Variants in NUB1 observed in about 807,000 individuals in gnomAD.
NUB1 encodes the protein NEDD8 ultimate buster 1.
NUB1 carries 41 observed loss-of-function variants against 77.1 expected under a neutral mutation model. The ratio of observed to expected loss-of-function variants is 0.53; its 90% CI spans 0.41 to 0.69. The LOEUF (loss-of-function observed/expected upper bound fraction) is 0.69. Among genes scored for constraint, NUB1 ranks in the 30% least tolerant of loss-of-function variants. NUB1 has a pLI of 0.00. For synonymous variants in NUB1, 257 were observed against 281.0 expected, an observed-to-expected ratio of 0.91 and a Z score of 0.85; for missense variants, 643 against 743.8, an observed-to-expected ratio of 0.86 and a Z score of 1.58.
chr7:151,352,060 A>AT (rs1228275189), intron 4 of NUB1: 1 of 456,022 alleles, frequency 2.2e-6, no homozygotes, highest in African/African-American at 2.0e-5. Flanking sequence ...TCTTCAGCTG[A>AT]TTTTTCTCAT....
At chr7:151,363,013 A>G (rs997657108) in intron 8 of NUB1, among the ~76,000 whole-genome samples, 3 of 152,270 alleles carry the variant, frequency 2.0e-5, no homozygotes, top group Non-Finnish European at 4.4e-5. Flanking sequence ...ACTCCTGAAC[A>G]GTACCCTTAA....
At position 151,341,843 on chromosome 7, in the gene NUB1, G is replaced by T. The variant is rs2150649860; in HGVS notation, c.-6G>T. 1.3e-6 allele frequency: 2 copies of T among 1,505,112 alleles called. No individual in the cohort carries two copies. 93.2% of individuals were successfully genotyped at this position (1,505,112 alleles called of 1,614,324 possible). ...CTGGTCGCGGCGGGAGTGGCGTGGC[G>T]CAGGTGAGGACACGGCGGCCGAGTG... On this transcript the variant is annotated 5_prime_UTR_variant, in exon 1 of 15. Transcript: ENST00000568733.
Position 151,355,890 on chromosome 7 carries a change from A to G in NUB1, c.538A>G (p.Lys180Glu). The G allele has an allele frequency of 1.2e-6, 2 of 1,613,908 alleles. No individual in the cohort carries two copies. Among genetic ancestry groups the G allele is most frequent in the Non-Finnish European group, 1.7e-6 (2 of 1,179,848 alleles). Residue 180 changes from lysine to glutamate, a missense_variant, in exon 6 of 15, where the codon AAA (lysine) becomes GAA (glutamate). Coordinates refer to ENST00000568733, the MANE Select transcript of NUB1 (RefSeq NM_001243351.2). ...QLEEEEQNEA[K>E]LKEKQIQRTK... ...AGAGGAAGAGGAGCAAAATGAGGCCAAACTCAAAGAAAAACAAATTCAGAG... is the reference window on the plus strand; with the variant it reads ...AGAGGAAGAGGAGCAAAATGAGGCCGAACTCAAAGAAAAACAAATTCAGAG...
chr7:151,365,842 C>G (rs1797649206), intron 8 of NUB1, among the ~76,000 whole-genome samples: 1 of 152,120 alleles, frequency 6.6e-6, no homozygotes, highest in Admixed American at 6.5e-5. Context: ...TACATGGGCC[C>G]TCTTTAGGAG....
In NUB1 at chr7:151,377,210, A is replaced by G. The variant is rs2159158; in HGVS notation, c.1833A>G (p.Ala611=). 755,532 of 1,534,830 alleles carry G rather than the reference A, an allele frequency of 0.49. 194,836 individuals are homozygous for G. Among genetic ancestry groups the G allele is most frequent in the Non-Finnish European group, 0.54 (611,470 of 1,139,514 alleles). ...YLSYVENRKS[A]TKKN is the part of the protein sequence containing the mutation. ...CCTATGTAGAAAATAGGAAGTCAGC[A>G]ACAAAGAAAAACTAAATAATGAACA... Residue 611 remains alanine, a synonymous_variant, in exon 15 of 15, where the codon GCA becomes GCG. Coordinates refer to ENST00000568733, the MANE Select transcript of NUB1 (RefSeq NM_001243351.2).
At chr7:151,373,216 G>A (rs1414429694) in intron 11 of NUB1, among the ~76,000 whole-genome samples, 2 of 152,202 alleles carry the variant, frequency 1.3e-5, no homozygotes, top group Non-Finnish European at 2.9e-5. Context: ...CTGGGAGAAT[G>A]TAGCAAGTCA....
intron 8 of NUB1, chr7:151,361,215 A>C (rs1797365891): frequency 6.6e-6 from 1 of 152,252 alleles, no homozygotes; most frequent in African/African-American, 2.4e-5. Context: ...TCTTGTTTTC[A>C]GAATAAATGA....
chr7:151,364,247 C>T (rs1192015986), intron 8 of NUB1, among the ~76,000 whole-genome samples: 2 of 150,138 alleles, frequency 1.3e-5, no homozygotes, highest in Non-Finnish European at 3.0e-5. Context: ...GGGCGAAACC[C>T]CGTCTCTACT....
At chr7:151,375,241 A>G (rs754293616) in intron 12 of NUB1, among the ~76,000 whole-genome samples, 2 of 152,196 alleles carry the variant, frequency 1.3e-5, no homozygotes, top group Non-Finnish European at 2.9e-5. Context: ...TTTTATTTGA[A>G]TATCATCTAG....
At chr7:151,348,174 G>C (rs1315183346) in intron 2 of NUB1, among the ~76,000 whole-genome samples, 1 of 152,132 alleles carries the variant, frequency 6.6e-6, no homozygotes, top group Non-Finnish European at 1.5e-5. Context: ...TTTTTTTGGG[G>C]AGGAACCATA....
At chr7:151,375,638 C>T (rs993393094) in intron 12 of NUB1, among the ~76,000 whole-genome samples, 57 of 152,222 alleles carry the variant, frequency 3.7e-4, no homozygotes, top group African/African-American at 1.1e-3. Context: ...GATCTTTTCC[C>T]TGACTAGTCT....
At chr7:151,365,691 G>A (rs1193777138) in intron 8 of NUB1, among the ~76,000 whole-genome samples, 1 of 152,216 alleles carries the variant, frequency 6.6e-6, no homozygotes, top group Non-Finnish European at 1.5e-5. Flanking sequence ...CCACATCTGT[G>A]TGTCTGCGTG....
chr7:151,350,060 G>C (rs113879498), intron 3 of NUB1, among the ~76,000 whole-genome samples: 2,072 of 152,354 alleles, frequency 0.014, 63 homozygotes, highest in African/African-American at 0.047. Context: ...TCCCTTGTAG[G>C]TAGACGAGGC....
At chr7:151,363,903 C>T (rs1001470444) in intron 8 of NUB1, among the ~76,000 whole-genome samples, 2 of 151,838 alleles carry the variant, frequency 1.3e-5, no homozygotes, top group Non-Finnish European at 2.9e-5. Context: ...AAGCGATTCT[C>T]CTGCCTCAGC....
intron 11 of NUB1, among the ~76,000 whole-genome samples, chr7:151,372,930 T>C (rs995393723): frequency 2.0e-5 from 3 of 152,170 alleles, no homozygotes; most frequent in Non-Finnish European, 4.4e-5. Context: ...TCTCCTGTGA[T>C]AGAGACAGGC....
rs553119016 is a variant in NUB1 at position 151,352,593 on chromosome 7, C to T, written c.345-219C>T. ...AAGCAGCTAGGGCCACAGGCATGGG[C>T]TACCAGGCCTGGCTAATTTTTAAAA... is the stretch of plus-strand genomic sequence containing the variant. On this transcript the variant is annotated intron_variant, in intron 4 of 14. Coordinates refer to ENST00000568733, the MANE Select transcript of NUB1 (RefSeq NM_001243351.2). 5.9e-5 allele frequency among the ~76,000 whole-genome samples: 9 copies of T among 152,268 alleles called. No homozygotes were observed. The South Asian group carries it at 1.9e-3, about 32-fold the overall frequency.
intron 6 of NUB1, 37 bp from the exon 7 acceptor site, chr7:151,356,091 C>A: frequency 6.3e-7 from 1 of 1,576,354 alleles, no homozygotes; most frequent in South Asian, 1.1e-5. Flanking sequence ...AACTGTTTAA[C>A]ATTGAGTTCA....
chr7:151,345,379 A>G lies in NUB1; in HGVS notation c.30A>G (p.Lys10=). 1 of 1,612,752 alleles carries G rather than the reference A, an allele frequency of 6.2e-7. No homozygotes were observed. Among genetic ancestry groups the G allele is most frequent in the Non-Finnish European group, 8.5e-7 (1 of 1,179,228 alleles). The change falls in exon 2 of 15, where the codon AAA becomes AAG. Residue 10 remains lysine (K), a synonymous_variant. Transcript: ENST00000568733. Reference sequence around the variant, plus strand: ...CACAAAAGAAATATCTTCAAGCAAAATTGACCCAGTTTTTAAGGGAAGACA... The same window carrying G: ...CACAAAAGAAATATCTTCAAGCAAAGTTGACCCAGTTTTTAAGGGAAGACA... MAQKKYLQA[K]LTQFLREDRI...
chr7:151,360,156 A>G lies in NUB1; in HGVS notation c.709A>G (p.Met237Val). 1.9e-6 allele frequency: 3 copies of G among 1,585,336 alleles called. No individual in the cohort carries two copies. Among genetic ancestry groups the G allele is most frequent in the South Asian group, 1.1e-5 (1 of 90,284 alleles). ...TTTTTCCTAGGCCCTTATGTTAGCT[A>G]TGGGATATCATGAGAAGGGCAGAGC... ...PSERKALMLA[M>V]GYHEKGRAFL... Residue 237 changes from methionine (M) to valine (V), a missense_variant, in exon 8 of 15, where the codon ATG becomes GTG. Physicochemically the swap from Met to Val is conservative, Grantham distance 21. Transcript: ENST00000568733.
Sources: gnomAD v4.1 joint callset for allele counts (sites outside exome capture counted in the v4.1 genomes callset) on GRCh38, gnomAD v4.1.1 for gene constraint, MANE v1.5 for transcripts, NCBI Gene and HGNC (gene_info 2026-07-23, HGNC 2026-07-21) for gene names.